The following SNTB1 variants were observed in gnomAD, a reference collection of about 807,000 sequenced individuals.
SNTB1 encodes the protein beta-1-syntrophin.
A neutral mutation model predicts 48.9 loss-of-function variants in SNTB1; 36 were observed. That is an observed-to-expected ratio of 0.74 (90% confidence interval 0.56 to 0.97). The LOEUF (loss-of-function observed/expected upper bound fraction) is 0.97. Ranked by LOEUF, SNTB1 falls within the 50% of genes least tolerant of loss-of-function variation. The pLI is 0.00. For synonymous variants in SNTB1, 299 were observed against 294.6 expected (o/e 1.01, Z -0.15); for missense variants, 786 against 703.4 (o/e 1.12, Z -1.33).
rs761683255 is a variant in SNTB1, at chr8:120,811,350, C to T, written c.494G>A (p.Gly165Glu). 1 of 1,613,360 alleles carries T rather than the reference C, an allele frequency of 6.2e-7. No individual in the cohort carries two copies. Among genetic ancestry groups the T allele is most frequent in the African/African-American group, 1.3e-5 (1 of 75,042 alleles). Residue 165 changes from glycine (G) to glutamate (E), a missense_variant, in exon 1 of 7, where the codon GGA becomes GAA. Gly to Glu is a moderately conservative substitution (Grantham distance 98). Transcript: ENST00000517992. ...GTGGGTGGCGTCCCGCAGGTCGGCT[C>T]CGTTCACGGACAGGATGGCGTCGCC... is the stretch of plus-strand genomic sequence containing the variant. ...YVGDAILSVN[G>E]ADLRDATHDE... is the part of the protein sequence containing the mutation.
intron 1 of SNTB1, chr8:120,769,277 C>T (rs1819579418): frequency 6.6e-6 from 1 of 151,908 alleles, no homozygotes; most frequent in African/African-American, 2.4e-5. Context: ...ATCCTTTTTT[C>T]AAGCAGATTT....
At chr8:120,724,889 G>C (rs1283277665) in intron 1 of SNTB1, among the ~76,000 whole-genome samples, 1 of 152,204 alleles carries the variant, frequency 6.6e-6, no homozygotes, top group Non-Finnish European at 1.5e-5. Flanking sequence ...AGTAGGCTAG[G>C]AGGTGGAGAT....
chr8:120,709,136 C>T (rs73706728), intron 1 of SNTB1, among the ~76,000 whole-genome samples: 9,888 of 151,958 alleles, frequency 0.065, 799 homozygotes, highest in East Asian at 0.41. Context: ...AGGAGGAAGG[C>T]AAGAAAGTGT....
At chr8:120,654,787 C>A in intron 2 of SNTB1, 1 of 311,342 alleles carries the variant, frequency 3.2e-6, no homozygotes, top group African/African-American at 2.3e-5. Flanking sequence ...TGTTTAGAAA[C>A]ATGAGGCTAA....
intron 1 of SNTB1, among the ~76,000 whole-genome samples, chr8:120,752,581 T>G (rs148402851): frequency 6.6e-6 from 1 of 152,246 alleles, no homozygotes; most frequent in African/African-American, 2.4e-5. Flanking sequence ...AAAACTGTGA[T>G]ACAATGTTAT....
In SNTB1 at chr8:120,811,643, C is replaced by G. The variant is rs1820437953; in HGVS notation, c.201G>C (p.Ser67=). 6.3e-7 allele frequency: 1 copy of G among 1,594,544 alleles called. No homozygotes were observed. The highest frequency in any genetic ancestry group is 1.4e-5 in the African/African-American group (1 of 72,334). The change falls in exon 1 of 7, where the codon TCG becomes TCC. Residue 67 remains serine, a synonymous_variant. Coordinates refer to ENST00000517992, the MANE Select transcript of SNTB1 (RefSeq NM_021021.4). ...GCCCAGCCCCGGCGCCCCTGCAGAA[C>G]GAGCCATTGGTGGCGGTCCCGATGC... The part of the protein sequence containing the change: ...YNGIGTATNG[S]FCRGAGAGHP...
At chr8:120,738,453 A>T (rs969302692) in intron 1 of SNTB1, among the ~76,000 whole-genome samples, 1 of 152,096 alleles carries the variant, frequency 6.6e-6, no homozygotes, top group Non-Finnish European at 1.5e-5. Flanking sequence ...ATAGGGTAAG[A>T]GTTATTATTA....
chr8:120,670,530 G>A (rs1175633368), intron 2 of SNTB1, among the ~76,000 whole-genome samples: 1 of 152,186 alleles, frequency 6.6e-6, no homozygotes, highest in East Asian at 1.9e-4. Flanking sequence ...GGTGGGTAGG[G>A]AAGTGAGAGG....
At chr8:120,564,187 G>C (rs1164382289) in intron 4 of SNTB1, among the ~76,000 whole-genome samples, 1 of 151,834 alleles carries the variant, frequency 6.6e-6, no homozygotes, top group African/African-American at 2.4e-5. Context: ...TTCATGTGTT[G>C]AAGCCCTAAC....
chr8:120,753,316 G>A (rs1187656003), intron 1 of SNTB1, among the ~76,000 whole-genome samples: 2 of 152,032 alleles, frequency 1.3e-5, no homozygotes, highest in Non-Finnish European at 1.5e-5. Context: ...TGATATAATT[G>A]CGTAACTTTA....
intron 1 of SNTB1, among the ~76,000 whole-genome samples, chr8:120,721,723 A>AT (rs1167577966): frequency 6.6e-6 from 1 of 152,000 alleles, no homozygotes; most frequent in Non-Finnish European, 1.5e-5. Context: ...CCATTAGTTT[A>AT]TTTTTTTCAT....
At chr8:120,618,047 T>C (rs1025487141) in intron 3 of SNTB1, among the ~76,000 whole-genome samples, 3 of 152,214 alleles carry the variant, frequency 2.0e-5, no homozygotes, top group Non-Finnish European at 4.4e-5. Flanking sequence ...AACGAGGCCA[T>C]GCATTTTGCG....
At chr8:120,710,853 A>G (rs1281294582) in intron 1 of SNTB1, among the ~76,000 whole-genome samples, 1 of 152,202 alleles carries the variant, frequency 6.6e-6, no homozygotes, top group Non-Finnish European at 1.5e-5. Context: ...GTATTCTGTT[A>G]CAGCAGTACA....
intron 3 of SNTB1, among the ~76,000 whole-genome samples, chr8:120,607,883 A>C (rs1264244270): frequency 2.0e-5 from 3 of 152,268 alleles, no homozygotes; most frequent in Non-Finnish European, 4.4e-5. Context: ...GACCCTTGAA[A>C]GAATGCACAG....
intron 4 of SNTB1, among the ~76,000 whole-genome samples, chr8:120,567,992 A>C (rs1815781019): frequency 6.6e-6 from 1 of 152,212 alleles, no homozygotes; most frequent in South Asian, 2.1e-4. Flanking sequence ...GTCATATATA[A>C]AGGACACGGT....
chr8:120,677,872 C>T (rs186511459), intron 2 of SNTB1, among the ~76,000 whole-genome samples: 111 of 152,222 alleles, frequency 7.3e-4, no homozygotes, highest in Non-Finnish European at 1.3e-3. Context: ...GGCTGCACAA[C>T]GGATTTGGTA....
chr8:120,548,739 T>C, intron 5 of SNTB1, 23 bp downstream of exon 5: 1 of 1,611,264 alleles, frequency 6.2e-7, no homozygotes, highest in Non-Finnish European at 8.5e-7. Flanking sequence ...AATGTGTCCT[T>C]GGTAGCTCAC....
intron 3 of SNTB1, among the ~76,000 whole-genome samples, chr8:120,583,659 T>C (rs900859811): frequency 6.6e-6 from 1 of 152,134 alleles, no homozygotes; most frequent in Non-Finnish European, 1.5e-5. Context: ...CACTGAGGAA[T>C]TCTATCAAAT....
chr8:120,756,978 T>C (rs1819329479), intron 1 of SNTB1, among the ~76,000 whole-genome samples: 1 of 152,202 alleles, frequency 6.6e-6, no homozygotes, highest in African/African-American at 2.4e-5. Context: ...TGGGATGGAA[T>C]ATAAATTCTC....
Sources: gnomAD v4.1 joint callset for allele counts (sites outside exome capture counted in the v4.1 genomes callset) on GRCh38, gnomAD v4.1.1 for gene constraint, MANE v1.5 for transcripts, NCBI Gene and HGNC (gene_info 2026-07-23, HGNC 2026-07-21) for gene names.